Variants in FNBP1 observed in about 807,000 individuals in gnomAD.
The protein encoded by FNBP1 is formin binding protein 1, also known as formin-binding protein 1.
A neutral mutation model predicts 90.6 loss-of-function variants in FNBP1; 26 were observed. The ratio of observed to expected loss-of-function variants is 0.29; its 90% CI spans 0.21 to 0.40. FNBP1 has a LOEUF of 0.40. Among genes scored for constraint, FNBP1 ranks in the 10% least tolerant of loss-of-function variants. FNBP1 has a pLI of 1.00. For missense variants in FNBP1, 635 were observed against 768.0 expected, an observed-to-expected ratio of 0.83 and a Z score of 2.05; for synonymous variants, 260 against 265.2, an observed-to-expected ratio of 0.98 and a Z score of 0.19.
Position 129,887,379 on chromosome 9 carries a change from G to C in FNBP1, c.*3160C>G. On this transcript the variant is annotated 3_prime_UTR_variant, in exon 17 of 17. Coordinates refer to ENST00000446176, the MANE Select transcript of FNBP1 (RefSeq NM_015033.3). ...TTTAGAATTAGTGCAACACACATAC[G>C]AACATTTTAAAGGTGCTCAACATCA... 5.0e-6 allele frequency: 1 copy of C among 201,704 alleles called. No homozygotes were observed. 12.5% of individuals were successfully genotyped at this position (201,704 alleles called of 1,614,324 possible).
chr9:129,946,617 C>T (rs1588763719), intron 6 of FNBP1, among the ~76,000 whole-genome samples: 1 of 152,094 alleles, frequency 6.6e-6, no homozygotes, highest in African/African-American at 2.4e-5. Context: ...AGAAAAAGAA[C>T]CATACAAGTT....
intron 16 of FNBP1, among the ~76,000 whole-genome samples, chr9:129,893,622 A>AC: frequency 7.8e-6 from 1 of 127,924 alleles, no homozygotes; most frequent in African/African-American, 3.0e-5. Flanking sequence ...CAAAAAAAAA[A>AC]AAAAAAAAAA....
chr9:129,934,716 C>T (rs1334792055), intron 6 of FNBP1, among the ~76,000 whole-genome samples: 1 of 152,038 alleles, frequency 6.6e-6, no homozygotes, highest in African/African-American at 2.4e-5. Context: ...GGATTACAGG[C>T]ACCCGCCACC....
At chr9:129,942,967 A>G (rs2132378932) in intron 6 of FNBP1, among the ~76,000 whole-genome samples, 1 of 152,144 alleles carries the variant, frequency 6.6e-6, no homozygotes, top group South Asian at 2.1e-4. Flanking sequence ...TGCTAGAATT[A>G]TAGGCATGAG....
chr9:129,981,994 T>A (rs552626818), intron 2 of FNBP1, among the ~76,000 whole-genome samples: 1 of 152,324 alleles, frequency 6.6e-6, no homozygotes, highest in South Asian at 2.1e-4. Context: ...ATACTGAGGA[T>A]ACATAGCAGA....
intron 6 of FNBP1, among the ~76,000 whole-genome samples, chr9:129,950,670 C>T (rs2046018127): frequency 6.6e-6 from 1 of 152,150 alleles, no homozygotes; most frequent in South Asian, 2.1e-4. Context: ...CAGGTAATGC[C>T]CGCTTCGGGA....
rs1324176121 is a variant in FNBP1 at position 129,923,919 on chromosome 9, T to C, written c.1095A>G (p.Glu365=). 3 of 1,598,080 alleles carry C rather than the reference T, an allele frequency of 1.9e-6. No individual in the cohort carries two copies. Among genetic ancestry groups the C allele is most frequent in the Non-Finnish European group, 2.6e-6 (3 of 1,174,000 alleles). ...NGPQSPKQQK[E]PLSHRFNEFM... ...ACTCGTTGAAGCGATGGGAGAGGGG[T>C]TCCTTTTGCTGCTTGGGAGACTGGG... The change falls in exon 10 of 17, where the codon GAA becomes GAG. Residue 365 remains glutamate, a synonymous_variant. Transcript: ENST00000446176.
intron 6 of FNBP1, among the ~76,000 whole-genome samples, chr9:129,934,842 A>G (rs1264573631): frequency 1.3e-5 from 2 of 151,938 alleles, no homozygotes; most frequent in African/African-American, 4.8e-5. Flanking sequence ...TTAGCCTCCC[A>G]AAGTGTTGGG....
rs2044599883 is a variant in FNBP1, at chr9:129,943,219, T to G, written c.514-13524A>C. Among the ~76,000 whole-genome samples, 5 of 152,178 alleles carry G rather than the reference T, an allele frequency of 3.3e-5. No homozygotes were observed. The South Asian group carries it at 8.3e-4, about 25-fold the overall frequency. ...AGGCCTGTCCCAACAACCTACAGTC[T>G]GCACAGACCTTTTTCAGATGCAGAA... On this transcript the variant is annotated intron_variant, in intron 6 of 16. Transcript: ENST00000446176.
At chr9:130,027,197 G>GA (rs1048185934) in intron 1 of FNBP1, among the ~76,000 whole-genome samples, 3 of 152,086 alleles carry the variant, frequency 2.0e-5, no homozygotes, top group African/African-American at 7.2e-5. Flanking sequence ...AAAAATGACA[G>GA]AATCACCATA....
intron 4 of FNBP1, 193 bp downstream of exon 4, chr9:129,978,272 G>A (rs1016208018): frequency 3.0e-5 from 15 of 492,262 alleles, no homozygotes; most frequent in Middle Eastern, 1.1e-3. Flanking sequence ...GCCTGCCTCG[G>A]CCTCCCAAAG....
intron 1 of FNBP1, among the ~76,000 whole-genome samples, chr9:130,023,435 T>G (rs2058042843): frequency 6.6e-6 from 1 of 152,070 alleles, no homozygotes; most frequent in Admixed American, 6.5e-5. Context: ...TAGGGTTAGC[T>G]GAAGGTGAAG....
chr9:129,973,564 G>A (rs920472525), intron 4 of FNBP1, among the ~76,000 whole-genome samples: 2 of 150,318 alleles, frequency 1.3e-5, no homozygotes, highest in African/African-American at 4.9e-5. Context: ...GCAGTGGCGC[G>A]ATCTCGGCTC....
At chr9:129,914,755 G>GTGTATATATATATATATATATATATA (rs71499203) in intron 11 of FNBP1, among the ~76,000 whole-genome samples, 2 of 98,434 alleles carry the variant, frequency 2.0e-5, no homozygotes, top group African/African-American at 3.5e-5. Flanking sequence ...ACATACATAT[G>GTGTATATATATATATATATATATATA]TCTATATATA....
At chr9:129,977,544 T>C (rs2050524731) in intron 4 of FNBP1, among the ~76,000 whole-genome samples, 1 of 150,460 alleles carries the variant, frequency 6.6e-6, no homozygotes, top group Non-Finnish European at 1.5e-5. Context: ...CAGGCTGGAG[T>C]GCAATGGCGA....
At chr9:129,919,290 A>G (rs1016694521) in intron 10 of FNBP1, 28 of 987,814 alleles carry the variant, frequency 2.8e-5, no homozygotes, top group Non-Finnish European at 3.5e-5. Flanking sequence ...AAAATTAACC[A>G]TAAGACTTTA....
intron 1 of FNBP1, among the ~76,000 whole-genome samples, chr9:130,015,767 T>C (rs1262266842): frequency 6.6e-6 from 1 of 152,182 alleles, no homozygotes; most frequent in African/African-American, 2.4e-5. Flanking sequence ...CTCAACCTCC[T>C]GGGCTCAGGT....
chr9:129,930,328 G>T lies in FNBP1; in HGVS notation c.514-633C>A, dbSNP rs949338644. Among the ~76,000 whole-genome samples, 4 of 152,124 alleles carry T rather than the reference G, an allele frequency of 2.6e-5. No homozygotes were observed. In the East Asian group the frequency reaches 7.7e-4, roughly 29 times the overall value. On this transcript the variant is annotated intron_variant, in intron 6 of 16. Transcript: ENST00000446176. ...TCCACCCGCCTCAGCCTCCCAAAGT[G>T]CTGGGATTATGGGCATGAACCACGG...
intron 11 of FNBP1, 76 bp downstream of exon 11, chr9:129,915,890 C>T: frequency 2.0e-6 from 2 of 1,004,154 alleles, no homozygotes; most frequent in Non-Finnish European, 3.1e-6. Context: ...ATACGTTGTG[C>T]ATGGCATAGC....
Sources: gnomAD v4.1 joint callset for allele counts (sites outside exome capture counted in the v4.1 genomes callset) on GRCh38, gnomAD v4.1.1 for gene constraint, MANE v1.5 for transcripts, NCBI Gene and HGNC (gene_info 2026-07-23, HGNC 2026-07-21) for gene names.